The following TTC6 variants were observed in gnomAD, a reference collection of about 807,000 sequenced individuals.
TTC6 encodes tetratricopeptide repeat protein 6.
In TTC6, 172 loss-of-function variants were observed where a neutral mutation model predicts 210.4. The observed-to-expected ratio is 0.82, with a 90% confidence interval of 0.72 to 0.93. The LOEUF (loss-of-function observed/expected upper bound fraction) is 0.93. Among genes scored for constraint, TTC6 ranks in the 40% least tolerant of loss-of-function variants. The pLI, the probability that TTC6 is intolerant of heterozygous loss-of-function variation, is 0.00. For synonymous variants in TTC6, 804 were observed against 819.6 expected (o/e 0.98, Z 0.32); for missense variants, 2,414 against 2,318.1 (o/e 1.04, Z -0.85).
intron 14 of TTC6, among the ~76,000 whole-genome samples, chr14:37,763,005 C>T (rs1015653082): frequency 6.6e-6 from 1 of 151,456 alleles, no homozygotes; most frequent in Non-Finnish European, 1.5e-5. Flanking sequence ...CTGCCTCAGC[C>T]TCCGGAGTAG....
chr14:37,771,229 A>C (rs924441416), intron 14 of TTC6, among the ~76,000 whole-genome samples: 8 of 152,134 alleles, frequency 5.3e-5, no homozygotes, highest in Admixed American at 2.6e-4. Context: ...GTCTGGCTGC[A>C]CTTAACATTT....
chr14:37,640,386 A>C lies in TTC6; in HGVS notation c.939+17383A>C, dbSNP rs189245144. On this transcript the variant is annotated intron_variant, in intron 1 of 30. Transcript: ENST00000553443. Reference sequence around the variant, plus strand: ...ATCTGCAGATGAGATAAAGTGAATAATTTTTAAATGTTGTTCAAAATAATT... The same window carrying C: ...ATCTGCAGATGAGATAAAGTGAATACTTTTTAAATGTTGTTCAAAATAATT... Among the ~76,000 whole-genome samples the C allele has an allele frequency of 6.9e-3, 1,048 of 152,250 alleles. 13 individuals are homozygous for C. The highest frequency in any genetic ancestry group is 0.01 in the Middle Eastern group (3 of 294).
chr14:37,826,126 G>C, intron 27 of TTC6, 69 bp from the exon 30 acceptor site: 1 of 1,465,238 alleles, frequency 6.8e-7, no homozygotes. Flanking sequence ...ATTTGATGGA[G>C]TCAGAATCAT....
At chr14:37,772,125 G>T (rs1293091865) in intron 14 of TTC6, among the ~76,000 whole-genome samples, 1 of 152,168 alleles carries the variant, frequency 6.6e-6, no homozygotes, top group Non-Finnish European at 1.5e-5. Context: ...CGGGGATCAG[G>T]GGTCAGGGAC....
intron 2 of TTC6, among the ~76,000 whole-genome samples, chr14:37,616,158 T>A (rs78297568): frequency 0.071 from 10,822 of 152,230 alleles, 453 homozygotes; most frequent in East Asian, 0.12. Context: ...TATACGTGAA[T>A]CAAAGGTCAG....
chr14:37,727,291 A>ATTTTTTTTTT (rs368293440), intron 7 of TTC6, among the ~76,000 whole-genome samples: 2,295 of 92,088 alleles, frequency 0.025, 98 homozygotes, highest in Non-Finnish European at 0.041. Flanking sequence ...TATTTTTCTA[A>ATTTTTTTTTT]TTTTTTTTTT....
chr14:37,623,758 C>A (rs994896662), intron 1 of TTC6, among the ~76,000 whole-genome samples: 4 of 152,194 alleles, frequency 2.6e-5, no homozygotes, highest in Non-Finnish European at 5.9e-5. Context: ...TGAGCTGGAA[C>A]CATGCCCAGG....
chr14:37,747,608 T>G (rs2095939994), intron 10 of TTC6, among the ~76,000 whole-genome samples: 1 of 152,128 alleles, frequency 6.6e-6, no homozygotes, highest in South Asian at 2.1e-4. Context: ...ACACTTTGAT[T>G]TCACTCTCCT....
upstream of TTC6, among the ~76,000 whole-genome samples, chr14:37,617,734 G>C (rs942484313): frequency 6.6e-6 from 1 of 152,006 alleles, no homozygotes; most frequent in Non-Finnish European, 1.5e-5. Context: ...TGTTTTCCTT[G>C]CAAGGCTGAA....
intron 23 of TTC6, among the ~76,000 whole-genome samples, chr14:37,807,998 C>G (rs1425353355): frequency 2.0e-5 from 3 of 151,818 alleles, no homozygotes; most frequent in Non-Finnish European, 4.4e-5. Context: ...AAAATTTTTA[C>G]TATTATACTA....
intron 13 of TTC6, among the ~76,000 whole-genome samples, 174 bp downstream of exon 15, chr14:37,751,399 TTAA>T (rs1442159517): frequency 6.6e-6 from 1 of 152,156 alleles, no homozygotes; most frequent in African/African-American, 2.4e-5. Flanking sequence ...TAACACTATG[TTAA>T]TTATTATTTT....
intron 1 of TTC6, among the ~76,000 whole-genome samples, chr14:37,668,693 A>G (rs1448998994): frequency 6.6e-6 from 1 of 152,212 alleles, no homozygotes; most frequent in Non-Finnish European, 1.5e-5. Flanking sequence ...TTGATGGAAA[A>G]AATCTGCAAA....
intron 9 of TTC6, 109 bp downstream of exon 11, chr14:37,737,843 A>T (rs2095906203): frequency 1.8e-6 from 1 of 558,814 alleles, no homozygotes; most frequent in Non-Finnish European, 3.0e-6. Flanking sequence ...TATATTCTCT[A>T]GTCTAATTAC....
intron 1 of TTC6, among the ~76,000 whole-genome samples, chr14:37,645,548 C>G (rs200915808): frequency 2.0e-5 from 3 of 152,016 alleles, no homozygotes; most frequent in Non-Finnish European, 2.9e-5. Context: ...AATGGGGAAG[C>G]GAGAGACATT....
At chr14:37,661,007 C>A (rs2138409220) in intron 1 of TTC6, among the ~76,000 whole-genome samples, 1 of 152,210 alleles carries the variant, frequency 6.6e-6, no homozygotes, top group Non-Finnish European at 1.5e-5. Context: ...CTGTTCATGT[C>A]CTTTTCCCAC....
chr14:37,832,201 A>G (rs572288172), intron 29 of TTC6, among the ~76,000 whole-genome samples: 2 of 151,636 alleles, frequency 1.3e-5, no homozygotes, highest in Admixed American at 1.3e-4. Flanking sequence ...CTTTTCTCTC[A>G]TTTTTTAGTT....
rs748112275 is a variant in TTC6, at chr14:37,696,717, G to A, written c.1258G>A (p.Ala420Thr). The A allele has an allele frequency of 2.5e-5, 35 of 1,427,396 alleles. No homozygotes were observed. In the South Asian group the frequency reaches 4.9e-4, roughly 20 times the overall value. The allele number at this position is 1,427,396 out of a possible 1,614,324, so 88.4% of individuals were successfully genotyped here. ...CAGCACACTTTATATTTTCTTAAAGGCAAAATCACCAGAATTCTTGCAAAT... is the reference window on the plus strand; with the variant it reads ...CAGCACACTTTATATTTTCTTAAAGACAAAATCACCAGAATTCTTGCAAAT... The change falls in exon 4 of 31, where the codon GCA (alanine) becomes ACA (threonine). Residue 420 changes from alanine to threonine, a missense_variant and splice_region_variant. Coordinates refer to ENST00000553443, the Ensembl canonical transcript of TTC6.
intron 6 of TTC6, among the ~76,000 whole-genome samples, chr14:37,718,183 C>T (rs2095855741): frequency 6.6e-6 from 1 of 152,096 alleles, no homozygotes; most frequent in Non-Finnish European, 1.5e-5. Flanking sequence ...AATGTTAGGT[C>T]ATAGAATTAA....
At chr14:37,619,357 T>G (rs2139286077), upstream of TTC6, among the ~76,000 whole-genome samples, 1 of 152,300 alleles carries the variant, frequency 6.6e-6, no homozygotes, top group Middle Eastern at 3.4e-3. Context: ...GGAGATTTTC[T>G]TCATACTATC....
Sources: gnomAD v4.1 joint callset for allele counts (sites outside exome capture counted in the v4.1 genomes callset) on GRCh38, gnomAD v4.1.1 for gene constraint, MANE v1.5 for transcripts, NCBI Gene and HGNC (gene_info 2026-07-23, HGNC 2026-07-21) for gene names.